ACER2: variants seen among roughly 807,000 people sequenced by gnomAD.
ACER2 encodes the protein alkaline ceramidase 2.
In ACER2, 26 loss-of-function variants were observed where a neutral mutation model predicts 34.7. The ratio of observed to expected loss-of-function variants is 0.75; its 90% CI spans 0.55 to 1.04. ACER2 has a LOEUF of 1.04. Among genes scored for constraint, ACER2 ranks in the 50% least tolerant of loss-of-function variants. ACER2 has a pLI of 0.00. For missense variants in ACER2, 352 were observed against 340.8 expected (o/e 1.03, Z -0.26); for synonymous variants, 138 against 132.1 (o/e 1.04, Z -0.31).
chr9:19,449,933 T>A (rs1831504986), intron 5 of ACER2, among the ~76,000 whole-genome samples: 1 of 150,870 alleles, frequency 6.6e-6, no homozygotes, highest in South Asian at 2.1e-4. Flanking sequence ...TTTTAAATGG[T>A]CTATTGTTCG....
intron 3 of ACER2, among the ~76,000 whole-genome samples, chr9:19,431,387 CTG>C (rs1830748600): frequency 6.6e-6 from 1 of 152,232 alleles, no homozygotes; most frequent in Non-Finnish European, 1.5e-5. Flanking sequence ...TTGAATCACT[CTG>C]TTACCCTCTC....
intron 3 of ACER2, among the ~76,000 whole-genome samples, chr9:19,426,655 A>G (rs1809226628): frequency 1.3e-5 from 2 of 152,168 alleles, no homozygotes; most frequent in South Asian, 4.1e-4. Flanking sequence ...TCCTTATAGA[A>G]AACCTTTTTT....
At chr9:19,441,356 A>G (rs944049077) in intron 4 of ACER2, among the ~76,000 whole-genome samples, 35 of 152,158 alleles carry the variant, frequency 2.3e-4, no homozygotes, top group Non-Finnish European at 2.1e-4. Flanking sequence ...CCCTGAGCAC[A>G]GTCATTTTTC....
intron 3 of ACER2, among the ~76,000 whole-genome samples, chr9:19,433,532 GAA>G (rs1293837985): frequency 3.3e-5 from 5 of 151,894 alleles, no homozygotes; most frequent in Admixed American, 1.3e-4. Flanking sequence ...AGAACAAAAT[GAA>G]AAGTCTCCCA....
intron 3 of ACER2, among the ~76,000 whole-genome samples, chr9:19,428,720 A>T (rs1830658219): frequency 2.6e-5 from 4 of 150,980 alleles, no homozygotes. Context: ...TGGCTCACAC[A>T]GAGTAAAGAC....
intron 1 of ACER2, among the ~76,000 whole-genome samples, chr9:19,420,612 G>T (rs1563875176): frequency 1.3e-5 from 2 of 152,278 alleles, no homozygotes; most frequent in Non-Finnish European, 2.9e-5. Context: ...AATGTTTGGT[G>T]GTTCCTTAAA....
chr9:19,446,592 C>T (rs1316218279), intron 5 of ACER2, 174 bp downstream of exon 5: 1 of 985,432 alleles, frequency 1.0e-6, no homozygotes, highest in Admixed American at 6.1e-5. Context: ...TTGTAAAAAG[C>T]TGAATTGACT....
At chr9:19,412,685 A>ATGGCGTAATCACGAATACTT (rs559135411) in intron 1 of ACER2, among the ~76,000 whole-genome samples, 182 of 150,000 alleles carry the variant, frequency 1.2e-3, no homozygotes, top group Middle Eastern at 7.1e-3. Flanking sequence ...ACCAGCATGT[A>ATGGCGTAATCACGAATACTT]TGGCGTAATC....
intron 4 of ACER2, among the ~76,000 whole-genome samples, chr9:19,442,968 G>A (rs1160281314): frequency 3.3e-5 from 5 of 151,680 alleles, no homozygotes; most frequent in African/African-American, 9.7e-5. Flanking sequence ...GAGTAGCTGG[G>A]ACTACAGATG....
intron 4 of ACER2, among the ~76,000 whole-genome samples, chr9:19,444,040 C>T (rs1831249575): frequency 6.6e-6 from 1 of 151,754 alleles, no homozygotes; most frequent in Non-Finnish European, 1.5e-5. Flanking sequence ...TGGCAGGGTG[C>T]CCTGAGAGAA....
intron 1 of ACER2, among the ~76,000 whole-genome samples, chr9:19,418,238 C>T (rs566704880): frequency 1.3e-5 from 2 of 152,306 alleles, no homozygotes; most frequent in East Asian, 3.9e-4. Context: ...AACACTTTTA[C>T]ACTGTTGGTG....
At chr9:19,446,177 G>C (rs1831353094) in intron 4 of ACER2, 104 bp from the exon 5 acceptor site, 2 of 1,523,324 alleles carry the variant, frequency 1.3e-6, no homozygotes, top group Admixed American at 1.7e-5. Context: ...GTGTCTTGGG[G>C]TTGTAGGCAT....
rs932875182 is a variant in ACER2 at position 19,452,395 on chromosome 9, A to T, written c.*1759A>T. 1.3e-5 allele frequency among the ~76,000 whole-genome samples: 2 copies of T among 152,224 alleles called. No homozygotes were observed. Among genetic ancestry groups the T allele is most frequent in the African/African-American group, 4.8e-5 (2 of 41,464 alleles). ...ATGACTTTATGCTACATCTGTGGTT[A>T]TCAAATTATATAGGTTGTTGAGAAG... is the stretch of plus-strand genomic sequence containing the variant. On this transcript the variant is annotated 3_prime_UTR_variant, in exon 6 of 6. Transcript: ENST00000340967.
chr9:19,431,617 C>T (rs938384203), intron 3 of ACER2, among the ~76,000 whole-genome samples: 4 of 152,190 alleles, frequency 2.6e-5, no homozygotes, highest in African/African-American at 4.8e-5. Context: ...CTGGAGCAGG[C>T]GGCCTTTCCT....
chr9:19,441,869 C>T (rs1052696529), intron 4 of ACER2, among the ~76,000 whole-genome samples: 2 of 152,136 alleles, frequency 1.3e-5, no homozygotes, highest in Non-Finnish European at 2.9e-5. Context: ...ACCTCTTTCC[C>T]GAATCTTCCC....
chr9:19,443,427 G>A (rs12339706), intron 4 of ACER2, among the ~76,000 whole-genome samples: 51,714 of 152,148 alleles, frequency 0.34, 10,850 homozygotes, highest in African/African-American at 0.6. Context: ...TGGCCTCCAA[G>A]AGTGTTGGGA....
At chr9:19,444,731 G>A (rs1669177007) in intron 4 of ACER2, among the ~76,000 whole-genome samples, 1 of 152,170 alleles carries the variant, frequency 6.6e-6, no homozygotes. Flanking sequence ...TTTTGAGAGG[G>A]AACCAGCCCA....
intron 1 of ACER2, among the ~76,000 whole-genome samples, chr9:19,423,403 C>G (rs1830466485): frequency 6.6e-6 from 1 of 152,022 alleles, no homozygotes; most frequent in East Asian, 1.9e-4. Context: ...TATCTGTAGT[C>G]AAAAGAAGTG....
At chr9:19,417,666 C>G (rs1226171269) in intron 1 of ACER2, among the ~76,000 whole-genome samples, 1 of 152,054 alleles carries the variant, frequency 6.6e-6, no homozygotes, top group Non-Finnish European at 1.5e-5. Context: ...TAGCCATAAT[C>G]AGAAAACTGA....
Sources: allele counts gnomAD v4.1 joint callset (sites outside exome capture counted in the v4.1 genomes callset), GRCh38; gene constraint gnomAD v4.1.1; transcripts MANE v1.5; gene names NCBI Gene and HGNC (gene_info 2026-07-23, HGNC 2026-07-21).